Variants in MGAT4C observed in about 807,000 individuals in gnomAD.
The protein encoded by MGAT4C is alpha-1,3-mannosyl-glycoprotein 4-beta-N-acetylglucosaminyltransferase C.
Under a neutral mutation model 40.1 loss-of-function variants are expected in MGAT4C, and 19 were observed. The observed-to-expected ratio is 0.47, with a 90% CI of 0.33 to 0.70. The LOEUF (loss-of-function observed/expected upper bound fraction) is 0.70, where lower values mean the gene tolerates loss of function less well. MGAT4C is among the 30% of genes least tolerant of loss of function. MGAT4C has a pLI of 0.02. For synonymous variants in MGAT4C, 181 were observed against 187.1 expected (o/e 0.97, Z 0.27); for missense variants, 491 against 563.2 (o/e 0.87, Z 1.30).
chr12:86,755,360 A>G (rs1409447503), intron 1 of MGAT4C, among the ~76,000 whole-genome samples: 1 of 152,114 alleles, frequency 6.6e-6, no homozygotes, highest in African/African-American at 2.4e-5. Flanking sequence ...ATTTCTATAC[A>G]TCTGTATTAC....
At chr12:86,787,029 T>C (rs1593206557) in intron 1 of MGAT4C, among the ~76,000 whole-genome samples, 1 of 152,178 alleles carries the variant, frequency 6.6e-6, no homozygotes. Context: ...TATAGGTTTA[T>C]TGGGCACAAG....
chr12:86,357,084 C>G (rs1027252269), intron 3 of MGAT4C, among the ~76,000 whole-genome samples: 1 of 152,184 alleles, frequency 6.6e-6, no homozygotes, highest in Non-Finnish European at 1.5e-5. Flanking sequence ...TAGGGGCCGA[C>G]TGACACCTCA....
intron 2 of MGAT4C, among the ~76,000 whole-genome samples, chr12:86,526,704 T>C (rs901219012): frequency 6.6e-6 from 1 of 152,128 alleles, no homozygotes; most frequent in Non-Finnish European, 1.5e-5. Context: ...TAAAGTCTCC[T>C]AAGAGAGCAA....
At chr12:86,625,846 C>A (rs998879641) in intron 2 of MGAT4C, among the ~76,000 whole-genome samples, 2 of 151,782 alleles carry the variant, frequency 1.3e-5, no homozygotes, top group South Asian at 4.1e-4. Context: ...GAAAAGAAAT[C>A]AGAAACATAT....
At chr12:85,981,930 G>T (rs1884645523) in intron 4 of MGAT4C, among the ~76,000 whole-genome samples, 1 of 152,066 alleles carries the variant, frequency 6.6e-6, no homozygotes, top group Non-Finnish European at 1.5e-5. Flanking sequence ...GTGTAACAGA[G>T]ATGAAAAATG....
chr12:86,192,078 T>C (rs1475163932), intron 1 of MGAT4C, among the ~76,000 whole-genome samples: 1 of 112,796 alleles, frequency 8.9e-6, no homozygotes, highest in African/African-American at 3.6e-5. Flanking sequence ...GAACATCACA[T>C]ACCAGGGCCT....
intron 1 of MGAT4C, among the ~76,000 whole-genome samples, chr12:86,071,202 A>C (rs1239589483): frequency 6.6e-6 from 1 of 152,070 alleles, no homozygotes; most frequent in Non-Finnish European, 1.5e-5. Flanking sequence ...GGAAAGTACC[A>C]AGGTATCATG....
At chr12:86,323,661 T>C (rs952945241) in intron 4 of MGAT4C, among the ~76,000 whole-genome samples, 3 of 151,866 alleles carry the variant, frequency 2.0e-5, no homozygotes, top group African/African-American at 7.2e-5. Flanking sequence ...TACATACATA[T>C]ATATAAATAG....
intron 2 of MGAT4C, among the ~76,000 whole-genome samples, chr12:86,666,866 G>A (rs1000321847): frequency 1.3e-5 from 2 of 149,534 alleles, no homozygotes. Flanking sequence ...GTAGTAAACA[G>A]ATCATACCAT....
At chr12:86,267,670 C>T (rs1389294) in intron 4 of MGAT4C, among the ~76,000 whole-genome samples, 11 of 152,038 alleles carry the variant, frequency 7.2e-5, no homozygotes, top group Non-Finnish European at 1.5e-5. Context: ...GAGAATGGAA[C>T]GTTATAAAAA....
At chr12:86,593,094 T>G (rs959546123) in intron 2 of MGAT4C, among the ~76,000 whole-genome samples, 21 of 152,024 alleles carry the variant, frequency 1.4e-4, no homozygotes, top group African/African-American at 5.1e-4. Flanking sequence ...CTTTCTAGAT[T>G]GTGTTTCTCT....
At chr12:86,679,673 C>G (rs1297394893) in intron 2 of MGAT4C, among the ~76,000 whole-genome samples, 1 of 152,024 alleles carries the variant, frequency 6.6e-6, no homozygotes, top group African/African-American at 2.4e-5. Flanking sequence ...TCTCAGAGAG[C>G]TATCTAGCTC....
At chr12:86,168,334 A>G (rs1886411596) in intron 1 of MGAT4C, among the ~76,000 whole-genome samples, 1 of 152,204 alleles carries the variant, frequency 6.6e-6, no homozygotes, top group South Asian at 2.1e-4. Flanking sequence ...ACCAGTAATG[A>G]AACAAATCAA....
rs112089960 is a variant in MGAT4C at position 86,479,018 on chromosome 12, T to C, written c.-228-43753A>G. 3.3e-3 allele frequency among the ~76,000 whole-genome samples: 499 copies of C among 152,134 alleles called. 2 individuals carry two copies. The highest frequency in any genetic ancestry group is 0.012 in the African/African-American group (483 of 41,570). Reference sequence around the variant, plus strand: ...GGACACGTGACTTTTTTACACCACATTGTCTGAATTAATTAGCAAAGGTAT... The same window carrying C: ...GGACACGTGACTTTTTTACACCACACTGTCTGAATTAATTAGCAAAGGTAT... On this transcript the variant is annotated intron_variant, in intron 2 of 7. Transcript: ENST00000548651.
At chr12:86,583,728 T>A (rs1593010465) in intron 2 of MGAT4C, among the ~76,000 whole-genome samples, 1 of 151,364 alleles carries the variant, frequency 6.6e-6, no homozygotes, top group Non-Finnish European at 1.5e-5. Context: ...TAATCCTTCA[T>A]TAATAGTTTA....
intron 1 of MGAT4C, among the ~76,000 whole-genome samples, chr12:86,229,188 G>C (rs1334891028): frequency 1.3e-5 from 2 of 151,810 alleles, no homozygotes; most frequent in Non-Finnish European, 2.9e-5. Flanking sequence ...CTCTCTCAAT[G>C]ATATAGGTAA....
Position 86,740,709 on chromosome 12 carries a change from C to T in MGAT4C, c.-261-13468G>A, listed in dbSNP as rs116544824. Reference sequence around the variant, plus strand: ...AAAGTCCTCATGGCCTTCAATAGAGCAATTCTTGTAAAATAAATATCGGTC... The same window carrying T: ...AAAGTCCTCATGGCCTTCAATAGAGTAATTCTTGTAAAATAAATATCGGTC... On this transcript the variant is annotated intron_variant, in intron 1 of 7. Transcript: ENST00000548651. 8.7e-4 allele frequency among the ~76,000 whole-genome samples: 131 copies of T among 151,192 alleles called. 2 individuals carry two copies. The highest frequency in any genetic ancestry group is 3.0e-3 in the African/African-American group (126 of 41,434).
intron 2 of MGAT4C, among the ~76,000 whole-genome samples, chr12:86,602,513 T>C (rs760081574): frequency 6.6e-6 from 1 of 152,212 alleles, no homozygotes; most frequent in African/African-American, 2.4e-5. Flanking sequence ...AAACCTGGCT[T>C]GGAGAAACCG....
chr12:86,716,561 G>A (rs974734627), intron 2 of MGAT4C, among the ~76,000 whole-genome samples: 3 of 152,058 alleles, frequency 2.0e-5, no homozygotes, highest in Admixed American at 1.3e-4. Flanking sequence ...TTTCCCTTCT[G>A]AAAAATGAAG....
Sources: gnomAD v4.1 joint callset for allele counts (sites outside exome capture counted in the v4.1 genomes callset) on GRCh38, gnomAD v4.1.1 for gene constraint, MANE v1.5 for transcripts, NCBI Gene and HGNC (gene_info 2026-07-23, HGNC 2026-07-21) for gene names.